FIRRM: variants seen among roughly 807,000 people sequenced by gnomAD.
FIRRM encodes FIGNL1 interacting regulator of recombination and mitosis.
chr1:169,853,724 T>C, the FIRRM span: 1 of 1,613,788 alleles, frequency 6.2e-7, no homozygotes. Flanking sequence ...CACCAGTTAT[T>C]ATCTTCCCAG....
chr1:169,838,269 T>C, the FIRRM span, among the ~76,000 whole-genome samples: 4 of 152,102 alleles, frequency 2.6e-5, no homozygotes, highest in African/African-American at 9.7e-5. Context: ...TATGTGACTT[T>C]ATTTTAGAAA....
chr1:169,843,186 A>G, the FIRRM span, among the ~76,000 whole-genome samples: 110 of 152,332 alleles, frequency 7.2e-4, 3 homozygotes, highest in East Asian at 0.017. Flanking sequence ...ATTGTTTTTT[A>G]TGGTCAGATT....
chr1:169,849,419 G>C, the FIRRM span: 2 of 996,468 alleles, frequency 2.0e-6, no homozygotes, highest in East Asian at 2.5e-5. Context: ...TGACAACACT[G>C]GGCTTATTGA....
At chr1:169,797,421 A>G in the FIRRM span, among the ~76,000 whole-genome samples, 6 of 152,216 alleles carry the variant, frequency 3.9e-5, no homozygotes, top group Non-Finnish European at 7.3e-5. Flanking sequence ...AAATTTTTTC[A>G]TGAGGCCAAT....
chr1:169,800,370 T>C, the FIRRM span, among the ~76,000 whole-genome samples: 1 of 152,114 alleles, frequency 6.6e-6, no homozygotes, highest in African/African-American at 2.4e-5. Context: ...AAATTATTTT[T>C]TTATCTTGAG....
chr1:169,832,611 T>G, the FIRRM span: 1 of 858,798 alleles, frequency 1.2e-6, no homozygotes, highest in Non-Finnish European at 1.8e-6. Flanking sequence ...TTTATCTTAT[T>G]ATTTTTTTTG....
the FIRRM span, among the ~76,000 whole-genome samples, chr1:169,834,371 A>G: frequency 6.6e-6 from 1 of 152,202 alleles, no homozygotes; most frequent in Non-Finnish European, 1.5e-5. Flanking sequence ...TAAAATTGAG[A>G]TAGATACTAA....
At chr1:169,852,648 G>T in the FIRRM span, 1 of 772,950 alleles carries the variant, frequency 1.3e-6, no homozygotes. Flanking sequence ...AGATGACTGT[G>T]TAGGGGTTTT....
the FIRRM span, among the ~76,000 whole-genome samples, chr1:169,800,712 TC>T: frequency 8.2e-4 from 73 of 88,830 alleles, no homozygotes; most frequent in Non-Finnish European, 1.1e-3. Flanking sequence ...GTTTCCTTTC[TC>T]TCTTTTTTTT....
the FIRRM span, chr1:169,795,067 C>G: frequency 6.7e-7 from 1 of 1,490,776 alleles, no homozygotes; most frequent in Non-Finnish European, 9.0e-7. Flanking sequence ...TGGGCTTTGG[C>G]GGGTCTGGTT....
chr1:169,834,729 C>T, the FIRRM span, among the ~76,000 whole-genome samples: 16 of 151,988 alleles, frequency 1.1e-4, no homozygotes, highest in Non-Finnish European at 2.2e-4. Context: ...TTTATTTAGC[C>T]CAAAGTTCAA....
chr1:169,800,012 T>C, the FIRRM span, among the ~76,000 whole-genome samples: 9 of 152,098 alleles, frequency 5.9e-5, no homozygotes, highest in African/African-American at 1.9e-4. Flanking sequence ...GTCTGAGCCA[T>C]GATGCTTGGC....
the FIRRM span, among the ~76,000 whole-genome samples, chr1:169,811,234 C>T: frequency 6.6e-6 from 1 of 152,114 alleles, no homozygotes; most frequent in Non-Finnish European, 1.5e-5. Context: ...TTAATTTCCA[C>T]TCTAATTCCT....
At chr1:169,793,291 G>C in the FIRRM span, 61 of 1,613,914 alleles carry the variant, frequency 3.8e-5, no homozygotes, top group Admixed American at 1.2e-4. Context: ...CTTTCAACAA[G>C]ATGGTTTTCA....
At chr1:169,853,288 T>TAAA in the FIRRM span, 9 of 358,036 alleles carry the variant, frequency 2.5e-5, no homozygotes, top group East Asian at 4.8e-4. Context: ...AAATCATTTA[T>TAAA]ATAATTTATA....
At chr1:169,796,448 C>G in the FIRRM span, among the ~76,000 whole-genome samples, 2 of 152,232 alleles carry the variant, frequency 1.3e-5, no homozygotes, top group African/African-American at 4.8e-5. Context: ...CAAACTTCCT[C>G]TAGTTTTCTT....
the FIRRM span, chr1:169,852,874 G>A: frequency 6.2e-7 from 1 of 1,614,148 alleles, no homozygotes; most frequent in Non-Finnish European, 8.5e-7. Context: ...GGCTTTGGAA[G>A]CAACTGAGTC....
the FIRRM span, chr1:169,807,692 G>GT: frequency 1.8e-6 from 2 of 1,105,644 alleles, no homozygotes; most frequent in Non-Finnish European, 2.5e-6. Flanking sequence ...CTTTTTGATT[G>GT]TTTTTTTAAA....
the FIRRM span, among the ~76,000 whole-genome samples, chr1:169,846,867 CAA>C: frequency 6.6e-6 from 1 of 152,164 alleles, no homozygotes; most frequent in Non-Finnish European, 1.5e-5. Context: ...GGCTAACTTG[CAA>C]AAGAGGCCTA....
Sources: allele counts gnomAD v4.1 joint callset (sites outside exome capture counted in the v4.1 genomes callset), GRCh38; gene constraint gnomAD v4.1.1; transcripts MANE v1.5; gene names NCBI Gene and HGNC (gene_info 2026-07-23, HGNC 2026-07-21).